COMP: variants seen among roughly 807,000 people sequenced by gnomAD.
COMP encodes the protein cartilage oligomeric matrix protein.
Under a neutral mutation model 95.8 loss-of-function variants are expected in COMP, and 79 were observed. The ratio of observed to expected loss-of-function variants is 0.82; its 90% CI spans 0.69 to 0.99. The LOEUF is 0.99. Among genes scored for constraint, COMP ranks in the 50% least tolerant of loss-of-function variants. The pLI is 0.00. For synonymous variants in COMP, 438 were observed against 433.9 expected (o/e 1.01, Z -0.12); for missense variants, 906 against 1,076.1 (o/e 0.84, Z 2.21).
At chr19:18,791,081 T>C in intron 1 of COMP, 110 bp downstream of exon 1, 1 of 1,500,948 alleles carries the variant, frequency 6.7e-7, no homozygotes, top group East Asian at 2.5e-5. Context: ...GCCCGGCACG[T>C]CCCCTACGAA....
rs1243786945 is a variant in COMP at position 18,789,655 on chromosome 19, G to A, written c.390+287C>T. 1.3e-5 allele frequency among the ~76,000 whole-genome samples: 2 copies of A among 151,826 alleles called. No homozygotes were observed. The highest frequency in any genetic ancestry group is 2.4e-5 in the African/African-American group (1 of 41,322). On this transcript the variant is annotated intron_variant, in intron 4 of 18. Transcript: ENST00000222271. This position sits in a 1 kb window ranked among gnomAD's most constrained non-coding sequence, Gnocchi z 6.1. ...GTTGGGACTGGCGATCCCCTGCGGC[G>A]AGGAGGGTAGCTGGGGCGGACCACC...
chr19:18,789,205 G>T lies in COMP; in HGVS notation c.483C>A (p.Pro161=). Residue 161 remains proline (P), a synonymous_variant, in exon 5 of 19, where the codon CCC becomes CCA. Transcript: ENST00000222271. The surrounding 1 kb of genome is among the most constrained non-coding windows in gnomAD (Gnocchi z 6.1). ...CEACPPGYSG[P]THQGVGLAFA... ...AAGCCAGCCCCACGCCCTGGTGGGTGGGGCCGCTGTACCCCGGCGGGCAAG... is the reference window on the plus strand; with the variant it reads ...AAGCCAGCCCCACGCCCTGGTGGGTTGGGCCGCTGTACCCCGGCGGGCAAG... The T allele has an allele frequency of 6.4e-7, 1 of 1,554,900 alleles. No individual in the cohort carries two copies. Among genetic ancestry groups the T allele is most frequent in the Non-Finnish European group, 8.6e-7 (1 of 1,158,000 alleles).
In COMP at chr19:18,788,480, C is replaced by A; in HGVS notation, c.797G>T (p.Cys266Phe). 5 of 1,610,464 alleles carry A rather than the reference C, an allele frequency of 3.1e-6. No individual in the cohort carries two copies. Among genetic ancestry groups the A allele is most frequent in the Non-Finnish European group, 2.5e-6 (3 of 1,179,000 alleles). ...AVGWAGNGIL[C>F]GRDTDLDGFP... ...GCCGTCTAGGTCAGTGTCGCGACCA[C>A]AGAGGATCCCGTTGCCGGCCCAGCC... Residue 266 changes from cysteine to phenylalanine, a missense_variant, in exon 8 of 19, where the codon TGT becomes TTT. By Grantham distance (205) the Cys-to-Phe change is radical. Transcript: ENST00000222271. The surrounding 1 kb of genome is among the most constrained non-coding windows in gnomAD (Gnocchi z 4.7).
In COMP at chr19:18,782,872, G is replaced by A. The variant is rs781677628; in HGVS notation, c.*43C>T. 46 of 1,604,472 alleles carry A rather than the reference G, an allele frequency of 2.9e-5. No individual in the cohort carries two copies. Among genetic ancestry groups the A allele is most frequent in the South Asian group, 3.3e-5 (3 of 90,930 alleles). ...CTGGGTGCAGAGCCCCCATCCAGCCGCGGTGAGGGTGGCTGTCATCCGGCG... is the reference window on the plus strand; with the variant it reads ...CTGGGTGCAGAGCCCCCATCCAGCCACGGTGAGGGTGGCTGTCATCCGGCG... On this transcript the variant is annotated 3_prime_UTR_variant, in exon 19 of 19. Coordinates refer to ENST00000222271, the MANE Select transcript of COMP (RefSeq NM_000095.3).
chr19:18,786,498 G>A, intron 11 of COMP, 34 bp downstream of exon 11: 2 of 1,586,020 alleles, frequency 1.3e-6, no homozygotes, highest in South Asian at 1.1e-5. Context: ...TTCACCCAGA[G>A]GGCTTACCCA....
Position 18,788,199 on chromosome 19 carries a change from G to T in COMP, c.975+13C>A, listed in dbSNP as rs1418746110. The T allele has an allele frequency of 1.2e-6, 2 of 1,608,190 alleles. No homozygotes were observed. Among genetic ancestry groups the T allele is most frequent in the Non-Finnish European group, 1.7e-6 (2 of 1,175,918 alleles). On this transcript the variant is annotated intron_variant, in intron 9 of 18. Transcript: ENST00000222271. This position sits in a 1 kb window ranked among gnomAD's most constrained non-coding sequence, Gnocchi z 4.7. ...TTACAGGAGTGAACCACCGTGCCGA[G>T]CCGTAGATCTACCTTTTCATTGGGG... is the stretch of plus-strand genomic sequence containing the variant.
intron 17 of COMP, among the ~76,000 whole-genome samples, chr19:18,783,703 G>T (rs980730398): frequency 6.6e-6 from 1 of 150,970 alleles, no homozygotes; most frequent in Middle Eastern, 3.2e-3. Flanking sequence ...TCCGCTTCCC[G>T]AGTTCAAGCG....
rs186562511 is a variant in COMP at position 18,791,278 on chromosome 19, C to A, written c.-9G>T. ...GCGGTGTCGGGGACCATGGCGGTGG[C>A]GGGGAGCTGGGTGGCTGCTCGCTTT... On this transcript the variant is annotated 5_prime_UTR_variant, in exon 1 of 19. Transcript: ENST00000222271. 2.0e-3 allele frequency: 3,223 copies of A among 1,587,594 alleles called. 10 individuals are homozygous for A. Among genetic ancestry groups the A allele is most frequent in the Non-Finnish European group, 2.5e-3 (2,937 of 1,169,382 alleles).
At position 18,789,817 on chromosome 19, in the gene COMP, C is replaced by T; in HGVS notation, c.390+125G>A. Reference sequence around the variant, plus strand: ...GGTAAGGAGGTAGTCTGGCCGTGCGCCCCCGGAGGTGAGAGGCTCTTCGGG... The same window carrying T: ...GGTAAGGAGGTAGTCTGGCCGTGCGTCCCCGGAGGTGAGAGGCTCTTCGGG... On this transcript the variant is annotated intron_variant, in intron 4 of 18. Coordinates refer to ENST00000222271, the MANE Select transcript of COMP (RefSeq NM_000095.3). The surrounding 1 kb of genome is among the most constrained non-coding windows in gnomAD (Gnocchi z 6.1). 1.6e-6 allele frequency: 2 copies of T among 1,234,390 alleles called. No homozygotes were observed. The highest frequency in any genetic ancestry group is 1.1e-6 in the Non-Finnish European group (1 of 872,760). 76.5% of individuals were successfully genotyped at this position (1,234,390 alleles called of 1,614,324 possible).
rs1488913825 is a variant in COMP at position 18,788,701 on chromosome 19, G to T, written c.653C>A (p.Ala218Glu). ...CTGTGCGCGCCGCTGGCAGCCGGAC[G>T]CCTGGTCGCCCACGAAGCCGGGCTG... ...PCQPGFVGDQ[A>E]SGCQRRAQRF... Residue 218 changes from alanine (A) to glutamate (E), a missense_variant, in exon 7 of 19, where the codon GCG (alanine) becomes GAG (glutamate). Ala to Glu is a moderately radical substitution (Grantham distance 107, BLOSUM62 -1). Transcript: ENST00000222271. The surrounding 1 kb of genome is among the most constrained non-coding windows in gnomAD (Gnocchi z 4.7). 2.6e-6 allele frequency: 4 copies of T among 1,540,940 alleles called. No homozygotes were observed. In the East Asian group the frequency reaches 7.4e-5, roughly 28 times the overall value.
Position 18,789,805 on chromosome 19 carries a change from T to A in COMP, c.390+137A>T. 1 of 1,132,214 alleles carries A rather than the reference T, an allele frequency of 8.8e-7. No homozygotes were observed. The highest frequency in any genetic ancestry group is 1.3e-6 in the Non-Finnish European group (1 of 780,972). 70.1% of individuals were successfully genotyped at this position (1,132,214 alleles called of 1,614,324 possible). On this transcript the variant is annotated intron_variant, in intron 4 of 18. Coordinates refer to ENST00000222271, the MANE Select transcript of COMP (RefSeq NM_000095.3). The surrounding 1 kb of genome is among the most constrained non-coding windows in gnomAD (Gnocchi z 6.1). ...GCGTCCCCCCGCGGTAAGGAGGTAGTCTGGCCGTGCGCCCCCGGAGGTGAG... is the reference window on the plus strand; with the variant it reads ...GCGTCCCCCCGCGGTAAGGAGGTAGACTGGCCGTGCGCCCCCGGAGGTGAG...
chr19:18,786,013 G>C lies in COMP; in HGVS notation c.1441C>G (p.Arg481Gly). The change falls in exon 13 of 19, where the codon CGG (arginine) becomes GGG (glycine). Residue 481 changes from arginine to glycine, a missense_variant. Arg to Gly is a moderately radical substitution (Grantham distance 125). Transcript: ENST00000222271. ...TTAGGCACCAGGCGGCAGTTGTCCC[G>C]ACTGTCAGGGACTCCGTCATTGTCG... is the stretch of plus-strand genomic sequence containing the variant. ...DDDNDGVPDSRDNCRLVPNPG... is the reference protein window; with the variant it reads ...DDDNDGVPDSGDNCRLVPNPG... 6.2e-7 allele frequency: 1 copy of C among 1,612,278 alleles called. No individual in the cohort carries two copies. Among genetic ancestry groups the C allele is most frequent in the South Asian group, 1.1e-5 (1 of 90,958 alleles).
At chr19:18,783,032 G>C (rs756146893) in intron 18 of COMP, 22 bp downstream of exon 18, 3 of 1,612,048 alleles carry the variant, frequency 1.9e-6, no homozygotes, top group Non-Finnish European at 2.5e-6. Flanking sequence ...CCCCGCCCAC[G>C]GCCCGCTGGC....
At chr19:18,783,284 C>T in intron 17 of COMP, 91 bp from the exon 18 acceptor site, 8 of 1,535,762 alleles carry the variant, frequency 5.2e-6, no homozygotes, top group Non-Finnish European at 7.0e-6. Context: ...ATGGGTACCC[C>T]TGACTGGGCT....
Position 18,785,664 on chromosome 19 carries a change from C to G in COMP, c.1668+9G>C, listed in dbSNP as rs1315181334. The G allele has an allele frequency of 6.2e-7, 1 of 1,613,352 alleles. No individual in the cohort carries two copies. Among genetic ancestry groups the G allele is most frequent in the Non-Finnish European group, 8.5e-7 (1 of 1,180,024 alleles). On this transcript the variant is annotated intron_variant, in intron 14 of 18. Transcript: ENST00000222271. ...GTCCCATCACCCCCCACGTGGACCC[C>G]GCTCCCACCTGGTTGAGCACCACCC...
At position 18,789,266 on chromosome 19, in the gene COMP, C is replaced by A. The variant is rs762894659; in HGVS notation, c.422G>T (p.Arg141Leu). ...GAACCCCGGGCTGGTGTTGATACAG[C>A]GGACTCGGGGGAAGCAGGGGTGGGC... ...CNAHPCFPRVRCINTSPGFRC... is the reference protein window; with the variant it reads ...CNAHPCFPRVLCINTSPGFRC... Residue 141 changes from arginine to leucine, a missense_variant, in exon 5 of 19, where the codon CGC becomes CTC. Transcript: ENST00000222271. This position sits in a 1 kb window ranked among gnomAD's most constrained non-coding sequence, Gnocchi z 6.1. 2 of 1,507,386 alleles carry A rather than the reference C, an allele frequency of 1.3e-6. No homozygotes were observed. The highest frequency in any genetic ancestry group is 1.8e-6 in the Non-Finnish European group (2 of 1,132,126). The allele number at this position is 1,507,386 out of a possible 1,614,324, so 93.4% of individuals were successfully genotyped here. A position where few individuals can be genotyped will look rare whatever the true frequency, so the allele number is the denominator to read the frequency against.
chr19:18,790,556 G>A lies in COMP; in HGVS notation c.217+6C>T. 1.9e-6 allele frequency: 3 copies of A among 1,613,424 alleles called. No homozygotes were observed. The South Asian group carries it at 3.3e-5, about 18-fold the overall frequency. On this transcript the variant is annotated splice_donor_region_variant and intron_variant, in intron 3 of 18. Transcript: ENST00000222271. ...TTCTCTCTCCCGACCGCCCCGCCGC[G>A]CTCACCGCACGCGTCACACTCCATC...
chr19:18,784,673 A>T lies in COMP; in HGVS notation c.1914+223T>A, dbSNP rs552391111. The stretch of plus-strand genomic sequence containing the variant: ...AGTTTAGGGCTGTGTGAGAGGGTTT[A>T]GGGTCCATAGGAAGACTGGGGGGCC... On this transcript the variant is annotated intron_variant, in intron 16 of 18. Transcript: ENST00000222271. The surrounding 1 kb of genome is among the most constrained non-coding windows in gnomAD (Gnocchi z 4.9). 1.5e-3 allele frequency among the ~76,000 whole-genome samples: 230 copies of T among 152,168 alleles called. No individual in the cohort carries two copies. Among genetic ancestry groups the T allele is most frequent in the African/African-American group, 5.3e-3 (219 of 41,498 alleles).
chr19:18,790,126 AG>A lies in COMP; in HGVS notation c.218-13del. 2.8e-6 allele frequency: 4 copies of A among 1,437,614 alleles called. No individual in the cohort carries two copies. Among genetic ancestry groups the A allele is most frequent in the Non-Finnish European group, 9.3e-7 (1 of 1,075,396 alleles). The allele number at this position is 1,437,614 out of a possible 1,614,324, so 89.1% of individuals were successfully genotyped here. ...TGACTGCTGCATCCCTGCGGGGGGG[AG>A]GGGGGAGAAGCGGCGGGGCTGATCG... On this transcript the variant is annotated splice_polypyrimidine_tract_variant and intron_variant, in intron 3 of 18. Coordinates refer to ENST00000222271, the MANE Select transcript of COMP (RefSeq NM_000095.3).
Sources: gnomAD v4.1 joint callset for allele counts (sites outside exome capture counted in the v4.1 genomes callset) on GRCh38, gnomAD v4.1.1 for gene constraint, Gnocchi (gnomAD v3.1) non-coding constraint, MANE v1.5 for transcripts, NCBI Gene and HGNC (gene_info 2026-07-23, HGNC 2026-07-21) for gene names.